The following NARS2 variants were observed in gnomAD, a reference collection of about 807,000 sequenced individuals.
NARS2 encodes asparaginyl-tRNA synthetase 2, mitochondrial.
Under a neutral mutation model 62.9 loss-of-function variants are expected in NARS2, and 60 were observed. The ratio of observed to expected loss-of-function variants is 0.95; its 90% confidence interval spans 0.77 to 1.18. The LOEUF (loss-of-function observed/expected upper bound fraction) is 1.18. Ranked by LOEUF, NARS2 falls within the 50% of genes most tolerant of loss-of-function variation. NARS2 has a pLI of 0.00. For missense variants in NARS2, 619 were observed against 576.4 expected, an observed-to-expected ratio of 1.07 and a Z score of -0.76; for synonymous variants, 196 against 200.0, an observed-to-expected ratio of 0.98 and a Z score of 0.17.
rs1045049238 is a variant in NARS2 at position 78,436,094 on chromosome 11, C to T, written c.*576G>A. 7.2e-5 allele frequency: 11 copies of T among 152,002 alleles called. No individual in the cohort carries two copies. The highest frequency in any genetic ancestry group is 2.4e-4 in the African/African-American group (10 of 41,436). The allele number at this position is 152,002 out of a possible 1,614,324, so 9.4% of individuals were successfully genotyped here. On this transcript the variant is annotated 3_prime_UTR_variant, in exon 14 of 14. Coordinates refer to ENST00000281038, the MANE Select transcript of NARS2 (RefSeq NM_024678.6). ...CTCAACAGCTTTGAAAATTGAAAAG[C>T]AACAGTTATTAAACATGATTTTTTC...
intron 11 of NARS2, among the ~76,000 whole-genome samples, chr11:78,447,052 A>C (rs947429308): frequency 9.2e-5 from 14 of 152,062 alleles, no homozygotes; most frequent in African/African-American, 2.2e-4. Context: ...TCTCAAAAAA[A>C]AAACAAACAA....
rs1314051288 is a variant in NARS2, at chr11:78,443,753, A to G, written c.1170T>C (p.Ala390=). 3 of 1,611,408 alleles carry G rather than the reference A, an allele frequency of 1.9e-6. No individual in the cohort carries two copies. The highest frequency in any genetic ancestry group is 1.3e-5 in the African/African-American group (1 of 74,842). The change falls in exon 12 of 14, where the codon GCT becomes GCC. Residue 390 remains alanine, a synonymous_variant. Coordinates refer to ENST00000281038, the MANE Select transcript of NARS2 (RefSeq NM_024678.6). ...DNEDGPQHTV[A]AVDLLVPGVG... ...CTCCAGGAACCAGAAGATCAACAGC[A>G]GCAACCTAAGGAAAAAAAAAAAATT...
chr11:78,506,053 A>G (rs939239581), intron 6 of NARS2, among the ~76,000 whole-genome samples: 43 of 152,242 alleles, frequency 2.8e-4, no homozygotes, highest in Non-Finnish European at 5.1e-4. Flanking sequence ...AATTGAAAAG[A>G]TAGTTCAAAA....
intron 11 of NARS2, among the ~76,000 whole-genome samples, chr11:78,453,160 G>A (rs1013292031): frequency 6.6e-6 from 1 of 152,174 alleles, no homozygotes; most frequent in African/African-American, 2.4e-5. Flanking sequence ...CTCCTACACA[G>A]GTAACAATGG....
chr11:78,499,531 G>A (rs922209548), intron 6 of NARS2, among the ~76,000 whole-genome samples: 1 of 152,162 alleles, frequency 6.6e-6, no homozygotes, highest in African/African-American at 2.4e-5. Context: ...TCTGTTCTGC[G>A]AAATAATAGT....
At chr11:78,483,837 A>C (rs1859459629) in intron 7 of NARS2, among the ~76,000 whole-genome samples, 1 of 152,220 alleles carries the variant, frequency 6.6e-6, no homozygotes, top group African/African-American at 2.4e-5. Context: ...TATAGATTCA[A>C]TGCTATTCCC....
chr11:78,531,906 C>A (rs1344307819), intron 5 of NARS2, among the ~76,000 whole-genome samples: 2 of 152,016 alleles, frequency 1.3e-5, no homozygotes, highest in African/African-American at 4.8e-5. Flanking sequence ...TAAATGGGCA[C>A]AGGGTTTTCT....
Position 78,528,770 on chromosome 11 carries a change from G to A in NARS2, c.689+72C>T. 2.1e-5 allele frequency: 20 copies of A among 968,082 alleles called. No individual in the cohort carries two copies. In the South Asian group the frequency reaches 2.6e-4, roughly 13 times the overall value. 60.0% of individuals were successfully genotyped at this position (968,082 alleles called of 1,614,324 possible). On this transcript the variant is annotated intron_variant, in intron 6 of 13. Coordinates refer to ENST00000281038, the MANE Select transcript of NARS2 (RefSeq NM_024678.6). Reference sequence around the variant, plus strand: ...AAGACTAATTTCAACTTTTAGGTTTGAGCATGGGAAGGGAAGCACTCTCAA... The same window carrying A: ...AAGACTAATTTCAACTTTTAGGTTTAAGCATGGGAAGGGAAGCACTCTCAA...
intron 5 of NARS2, among the ~76,000 whole-genome samples, chr11:78,538,575 G>C (rs1297520585): frequency 1.3e-5 from 2 of 152,108 alleles, no homozygotes; most frequent in Non-Finnish European, 2.9e-5. Context: ...ACTATAAACT[G>C]GGAAAAATAC....
In NARS2 at chr11:78,436,817, G is replaced by A. The variant is rs1857424163; in HGVS notation, c.1290-3C>T. ...CAAATCGACGAAGGTCCAGATACCT[G>A]TTTTTCAAAAATAGAAAATCATCAT... On this transcript the variant is annotated splice_region_variant and splice_polypyrimidine_tract_variant and intron_variant, in intron 13 of 13. Coordinates refer to ENST00000281038, the MANE Select transcript of NARS2 (RefSeq NM_024678.6). 6.2e-7 allele frequency: 1 copy of A among 1,612,680 alleles called. No individual in the cohort carries two copies. The highest frequency in any genetic ancestry group is 2.2e-5 in the East Asian group (1 of 44,860).
At chr11:78,541,965 G>A (rs558878224) in intron 5 of NARS2, among the ~76,000 whole-genome samples, 1 of 152,262 alleles carries the variant, frequency 6.6e-6, no homozygotes, top group Non-Finnish European at 1.5e-5. Context: ...CTATTAACAA[G>A]CCATATATGT....
chr11:78,466,245 T>C (rs1481522394), intron 10 of NARS2, among the ~76,000 whole-genome samples: 2 of 151,830 alleles, frequency 1.3e-5, no homozygotes, highest in East Asian at 3.9e-4. Context: ...ACACTATGCT[T>C]ACTGTGTCCC....
intron 11 of NARS2, among the ~76,000 whole-genome samples, chr11:78,465,597 A>C (rs1858587333): frequency 6.6e-6 from 1 of 152,208 alleles, no homozygotes. Flanking sequence ...CAGTCATTAC[A>C]AAACAAAACA....
chr11:78,470,745 A>C (rs1428976092), intron 9 of NARS2, among the ~76,000 whole-genome samples: 1 of 152,154 alleles, frequency 6.6e-6, no homozygotes, highest in Non-Finnish European at 1.5e-5. Flanking sequence ...TATTAGATGA[A>C]AATTTGCAAT....
chr11:78,567,075 T>C (rs1856768191), intron 3 of NARS2, among the ~76,000 whole-genome samples: 1 of 152,158 alleles, frequency 6.6e-6, no homozygotes, highest in Non-Finnish European at 1.5e-5. Context: ...CAGAATTCCC[T>C]AATGTTGGAA....
intron 2 of NARS2, among the ~76,000 whole-genome samples, chr11:78,570,342 A>C (rs1200994198): frequency 1.3e-5 from 2 of 152,172 alleles, no homozygotes; most frequent in Non-Finnish European, 2.9e-5. Context: ...AATTAGAATA[A>C]TGTTCTCTTC....
intron 5 of NARS2, among the ~76,000 whole-genome samples, chr11:78,531,265 C>G (rs1861467727): frequency 6.6e-6 from 1 of 151,986 alleles, no homozygotes; most frequent in African/African-American, 2.4e-5. Flanking sequence ...CCAACAGCAG[C>G]AGAATATACG....
intron 5 of NARS2, among the ~76,000 whole-genome samples, chr11:78,549,506 T>C (rs1856013019): frequency 6.6e-6 from 1 of 151,882 alleles, no homozygotes. Context: ...ATTGAAAGAG[T>C]CACTGGTGAT....
chr11:78,543,631 T>C (rs1056861125), intron 5 of NARS2, among the ~76,000 whole-genome samples: 2 of 152,142 alleles, frequency 1.3e-5, no homozygotes, highest in African/African-American at 4.8e-5. Flanking sequence ...GGTGAACTAT[T>C]CAACATAATC....
Sources: allele counts gnomAD v4.1 joint callset (sites outside exome capture counted in the v4.1 genomes callset), GRCh38; gene constraint gnomAD v4.1.1; transcripts MANE v1.5; gene names NCBI Gene and HGNC (gene_info 2026-07-23, HGNC 2026-07-21).